ELF2: variants seen among roughly 807,000 people sequenced by gnomAD.
ELF2 encodes the protein ETS-related transcription factor Elf-2.
A neutral mutation model predicts 54.8 loss-of-function variants in ELF2; 11 were observed. The ratio of observed to expected loss-of-function variants is 0.20; its 90% CI spans 0.13 to 0.33. The LOEUF is 0.33. Ranked by LOEUF, ELF2 falls within the 10% of genes least tolerant of loss-of-function variation. ELF2 has a pLI of 1.00. For missense variants in ELF2, 513 were observed against 703.0 expected (o/e 0.73, Z 3.06); for synonymous variants, 203 against 245.1 (o/e 0.83, Z 1.61).
At chr4:139,160,266 T>C (rs1194533901) in intron 1 of ELF2, among the ~76,000 whole-genome samples, 1 of 152,170 alleles carries the variant, frequency 6.6e-6, no homozygotes, top group Admixed American at 6.5e-5. Flanking sequence ...TGCCAGCCAA[T>C]GGCCAATCTT....
intron 7 of ELF2, 127 bp downstream of exon 7, chr4:139,067,557 A>T: frequency 1.1e-6 from 1 of 914,240 alleles, no homozygotes; most frequent in Non-Finnish European, 1.7e-6. Context: ...ATCCCTTATT[A>T]AGAACTATTA....
At chr4:139,100,242 C>A (rs560165166) in intron 4 of ELF2, 28 of 152,090 alleles carry the variant, frequency 1.8e-4, no homozygotes, top group Middle Eastern at 3.4e-3. Flanking sequence ...TTCCTGGCAA[C>A]ATAGTAAAGA....
At chr4:139,139,537 T>C in intron 1 of ELF2, 40 bp from the exon 2 acceptor site, 2 of 1,085,882 alleles carry the variant, frequency 1.8e-6, no homozygotes, top group Non-Finnish European at 2.3e-6. Flanking sequence ...TTAATATAAT[T>C]ATATTAAAAA....
At chr4:139,173,916 C>T (rs559367763) in intron 1 of ELF2, among the ~76,000 whole-genome samples, 32 of 151,502 alleles carry the variant, frequency 2.1e-4, no homozygotes, top group South Asian at 4.2e-4. Context: ...GGTGAAACCC[C>T]ATCTCTATAA....
chr4:139,069,992 C>T (rs1729282886), intron 6 of ELF2, among the ~76,000 whole-genome samples: 1 of 152,024 alleles, frequency 6.6e-6, no homozygotes, highest in Middle Eastern at 3.4e-3. Flanking sequence ...AGGCATGTGC[C>T]ACCATACCTG....
chr4:139,146,016 T>C (rs1739187902), intron 1 of ELF2, among the ~76,000 whole-genome samples: 2 of 152,140 alleles, frequency 1.3e-5, no homozygotes, highest in African/African-American at 4.8e-5. Flanking sequence ...GTACTTTAAG[T>C]CCTGGCCAGA....
intron 4 of ELF2, among the ~76,000 whole-genome samples, chr4:139,087,232 TC>T (rs1346635559): frequency 2.6e-5 from 4 of 152,240 alleles, no homozygotes; most frequent in Non-Finnish European, 5.9e-5. Context: ...TAGCAGCTAC[TC>T]TTAGAAGACT....
intron 1 of ELF2, among the ~76,000 whole-genome samples, chr4:139,152,895 T>TG (rs1376661334): frequency 7.0e-6 from 1 of 143,580 alleles, no homozygotes; most frequent in East Asian, 2.0e-4. Flanking sequence ...GTCATACTTT[T>TG]TTTTTTTTTT....
intron 1 of ELF2, among the ~76,000 whole-genome samples, chr4:139,174,399 G>A (rs1742695477): frequency 6.6e-6 from 1 of 152,052 alleles, no homozygotes; most frequent in Non-Finnish European, 1.5e-5. Flanking sequence ...ATAGAAAGTC[G>A]ATCAGTGGTT....
intron 4 of ELF2, among the ~76,000 whole-genome samples, chr4:139,083,547 CAG>C: frequency 6.6e-6 from 1 of 152,168 alleles, no homozygotes; most frequent in East Asian, 1.9e-4. Flanking sequence ...GAGGGAGGGT[CAG>C]AGCATTTTTT....
chr4:139,165,448 G>A (rs1741623172), intron 1 of ELF2, among the ~76,000 whole-genome samples: 1 of 152,118 alleles, frequency 6.6e-6, no homozygotes, highest in Admixed American at 6.5e-5. Flanking sequence ...TGGATCACCT[G>A]AGGTCAGAGT....
chr4:139,126,120 T>C (rs1366740790), intron 3 of ELF2, among the ~76,000 whole-genome samples: 1 of 151,926 alleles, frequency 6.6e-6, no homozygotes, highest in Admixed American at 6.6e-5. Context: ...TAAGAACAGA[T>C]CACAATTCAG....
chr4:139,154,852 T>C (rs979465312), intron 1 of ELF2, among the ~76,000 whole-genome samples: 3 of 152,164 alleles, frequency 2.0e-5, no homozygotes, highest in Non-Finnish European at 2.9e-5. Flanking sequence ...CTCTCACAGG[T>C]ATATTGTGTA....
chr4:139,133,750 C>T (rs1026862839), intron 3 of ELF2, among the ~76,000 whole-genome samples: 2 of 151,798 alleles, frequency 1.3e-5, no homozygotes, highest in Non-Finnish European at 2.9e-5. Context: ...ACTATATGCA[C>T]GTGCCAGTGC....
At chr4:139,100,039 T>C (rs573021208) in intron 4 of ELF2, among the ~76,000 whole-genome samples, 1 of 152,318 alleles carries the variant, frequency 6.6e-6, no homozygotes, top group Admixed American at 6.5e-5. Flanking sequence ...AAAGGAGCAC[T>C]GTGATTACAA....
chr4:139,062,859 T>C (rs73852759), intron 7 of ELF2, among the ~76,000 whole-genome samples: 3,654 of 152,322 alleles, frequency 0.024, 133 homozygotes, highest in African/African-American at 0.082. Context: ...AGGCATGAAC[T>C]CTGAGGTATA....
At chr4:139,113,781 G>C (rs1458569890) in intron 4 of ELF2, among the ~76,000 whole-genome samples, 1 of 151,880 alleles carries the variant, frequency 6.6e-6, no homozygotes, top group African/African-American at 2.4e-5. Flanking sequence ...CTTGAACCCG[G>C]GAGGCAGAGG....
intron 4 of ELF2, among the ~76,000 whole-genome samples, chr4:139,112,848 T>G (rs923781333): frequency 5.3e-5 from 8 of 152,064 alleles, no homozygotes; most frequent in African/African-American, 1.9e-4. Context: ...GGAGCCAGAA[T>G]TGCACCACTG....
intron 1 of ELF2, among the ~76,000 whole-genome samples, chr4:139,156,245 A>G (rs1740521236): frequency 6.6e-6 from 1 of 151,876 alleles, no homozygotes; most frequent in Non-Finnish European, 1.5e-5. Context: ...GCGCGATCTC[A>G]GCTCACCGCA....
Sources: gnomAD v4.1 joint callset for allele counts (sites outside exome capture counted in the v4.1 genomes callset) on GRCh38, gnomAD v4.1.1 for gene constraint, MANE v1.5 for transcripts, NCBI Gene and HGNC (gene_info 2026-07-23, HGNC 2026-07-21) for gene names.